SEMA6D: variants seen among roughly 807,000 people sequenced by gnomAD.
SEMA6D encodes the protein semaphorin 6D.
In SEMA6D, 35 loss-of-function variants were observed where a neutral mutation model predicts 106.6. That is an observed-to-expected ratio of 0.33 (90% CI 0.25 to 0.44). The LOEUF (loss-of-function observed/expected upper bound fraction) is 0.44, where lower values mean the gene tolerates loss of function less well. Among genes scored for constraint, SEMA6D ranks in the 20% least tolerant of loss-of-function variants. The pLI is 1.00. For missense variants in SEMA6D, 1,185 were observed against 1,345.9 expected (o/e 0.88, Z 1.87); for synonymous variants, 499 against 487.7 (o/e 1.02, Z -0.31).
chr15:47,316,895 G>A (rs764385984), intron 1 of SEMA6D, among the ~76,000 whole-genome samples: 1 of 151,952 alleles, frequency 6.6e-6, no homozygotes, highest in African/African-American at 2.4e-5. Flanking sequence ...TAACATCTTC[G>A]GTTTGGGGAC....
chr15:47,269,507 T>TA (rs1330132575), intron 1 of SEMA6D, among the ~76,000 whole-genome samples: 5 of 152,272 alleles, frequency 3.3e-5, no homozygotes, highest in Non-Finnish European at 7.4e-5. Context: ...TGTTTTATCT[T>TA]ACTGTACATT....
At chr15:47,202,317 C>T (rs1276154533) in intron 1 of SEMA6D, among the ~76,000 whole-genome samples, 2 of 152,036 alleles carry the variant, frequency 1.3e-5, no homozygotes, top group Admixed American at 1.3e-4. Context: ...GGGTGATCAA[C>T]AGCTTCCTGA....
chr15:47,381,369 C>T (rs192547816), intron 1 of SEMA6D, among the ~76,000 whole-genome samples: 4 of 152,308 alleles, frequency 2.6e-5, no homozygotes, highest in Admixed American at 2.0e-4. Flanking sequence ...CACAGATAAC[C>T]ATTGCACAGT....
chr15:47,765,920 T>C lies in SEMA6D; in HGVS notation c.1479T>C (p.Asp493=). 1.3e-6 allele frequency: 2 copies of C among 1,566,256 alleles called. No homozygotes were observed. Among genetic ancestry groups the C allele is most frequent in the Non-Finnish European group, 1.7e-6 (2 of 1,158,410 alleles). The part of the protein sequence containing the change: ...EDKKVISLQL[D]KDHHALYVAF... ...AAAAGGTCATCTCATTACAGTTGGA[T>C]AAAGATCACCACGCTTTATATGTGG... is the stretch of plus-strand genomic sequence containing the variant. The change falls in exon 14 of 19, where the codon GAT becomes GAC. Residue 493 remains aspartate (D), a synonymous_variant. Coordinates refer to ENST00000536845, the MANE Select transcript of SEMA6D (RefSeq NM_001358351.3).
intron 3 of SEMA6D, among the ~76,000 whole-genome samples, chr15:47,570,067 A>C (rs1206484463): frequency 6.6e-6 from 1 of 152,140 alleles, no homozygotes; most frequent in East Asian, 1.9e-4. Flanking sequence ...ATCTCAAAAA[A>C]AAAAAAGATT....
At chr15:47,405,673 T>C (rs552092177) in intron 1 of SEMA6D, among the ~76,000 whole-genome samples, 2 of 152,326 alleles carry the variant, frequency 1.3e-5, no homozygotes, top group African/African-American at 4.8e-5. Flanking sequence ...GCCTCTTCTT[T>C]TGACTTGTAT....
chr15:47,563,946 G>T (rs777611490), intron 3 of SEMA6D, among the ~76,000 whole-genome samples: 1 of 152,176 alleles, frequency 6.6e-6, no homozygotes, highest in Non-Finnish European at 1.5e-5. Context: ...GCAAGTGCTG[G>T]CAGATGGAAG....
At chr15:47,223,553 A>G (rs1433968366) in intron 1 of SEMA6D, among the ~76,000 whole-genome samples, 1 of 151,846 alleles carries the variant, frequency 6.6e-6, no homozygotes, top group East Asian at 1.9e-4. Flanking sequence ...TCATATGGAC[A>G]GTTTTCTGAC....
intron 4 of SEMA6D, among the ~76,000 whole-genome samples, chr15:47,606,517 A>G (rs192886749): frequency 4.6e-5 from 7 of 152,310 alleles, no homozygotes; most frequent in Admixed American, 2.0e-4. Context: ...GTGACATGCC[A>G]TCACTTCTGC....
intron 1 of SEMA6D, among the ~76,000 whole-genome samples, chr15:47,327,794 G>T (rs75760788): frequency 6.4e-4 from 98 of 152,264 alleles, no homozygotes; most frequent in African/African-American, 2.1e-3. Flanking sequence ...AGACACTCAG[G>T]AGTGCTTTGC....
chr15:47,293,092 T>C (rs1312287966), intron 1 of SEMA6D, among the ~76,000 whole-genome samples: 1 of 152,038 alleles, frequency 6.6e-6, no homozygotes. Flanking sequence ...TTTGGGACTC[T>C]GGTGGTTGAT....
intron 1 of SEMA6D, chr15:47,339,004 C>A (rs1442372473): frequency 1.3e-5 from 2 of 152,122 alleles, no homozygotes; most frequent in African/African-American, 4.8e-5. Context: ...ACTTTTTGTC[C>A]AATCACATTG....
At chr15:47,501,108 A>G (rs2043833730) in intron 3 of SEMA6D, among the ~76,000 whole-genome samples, 1 of 152,142 alleles carries the variant, frequency 6.6e-6, no homozygotes, top group Middle Eastern at 3.2e-3. Context: ...GGGATCCCAG[A>G]AAAAAATATT....
At chr15:47,329,404 C>T (rs1408210695) in intron 1 of SEMA6D, among the ~76,000 whole-genome samples, 1 of 152,160 alleles carries the variant, frequency 6.6e-6, no homozygotes, top group East Asian at 1.9e-4. Context: ...CCTGTATGTA[C>T]TGACTATAAT....
intron 1 of SEMA6D, among the ~76,000 whole-genome samples, chr15:47,369,357 T>C (rs747008928): frequency 9.3e-4 from 142 of 152,330 alleles, no homozygotes; most frequent in Admixed American, 2.0e-3. Context: ...ACTTTCACAA[T>C]CTACTGAAAT....
rs1698321766 is a variant in SEMA6D, at chr15:47,642,837, T to C, written c.-55+41941T>C. ...TGATTTTACTGTGAACCACTTCAAA[T>C]AGTGTTTTGGAAAGTGGTGGAGCAG... On this transcript the variant is annotated intron_variant, in intron 4 of 19. Transcript: ENST00000558014. 2.6e-5 allele frequency among the ~76,000 whole-genome samples: 4 copies of C among 151,966 alleles called. No individual in the cohort carries two copies. The South Asian group carries it at 8.3e-4, about 31-fold the overall frequency.
At chr15:47,735,317 G>C (rs1162220076) in intron 1 of SEMA6D, among the ~76,000 whole-genome samples, 1 of 152,160 alleles carries the variant, frequency 6.6e-6, no homozygotes, top group African/African-American at 2.4e-5. Context: ...CCAAATATCT[G>C]TTCTCCAGTG....
At chr15:47,518,448 A>G (rs1260814245) in intron 3 of SEMA6D, among the ~76,000 whole-genome samples, 1 of 152,198 alleles carries the variant, frequency 6.6e-6, no homozygotes, top group Non-Finnish European at 1.5e-5. Context: ...ATGTGGTATT[A>G]GGTGATTTTG....
chr15:47,526,716 A>C (rs1420826245), intron 3 of SEMA6D, among the ~76,000 whole-genome samples: 3 of 152,132 alleles, frequency 2.0e-5, no homozygotes, highest in Non-Finnish European at 4.4e-5. Flanking sequence ...GGTTGGCACC[A>C]ATATGGAACC....
Sources: allele counts gnomAD v4.1 joint callset (sites outside exome capture counted in the v4.1 genomes callset), GRCh38; gene constraint gnomAD v4.1.1; transcripts MANE v1.5; gene names NCBI Gene and HGNC (gene_info 2026-07-23, HGNC 2026-07-21).